The following CXCL12 variants were observed in gnomAD, a reference collection of about 807,000 sequenced individuals.
The protein encoded by CXCL12 is stromal cell-derived factor 1.
In CXCL12, 4 loss-of-function variants were observed where a neutral mutation model predicts 10.7. The observed-to-expected ratio is 0.37, with a 90% CI of 0.18 to 0.86. The LOEUF (loss-of-function observed/expected upper bound fraction) is 0.86. CXCL12 is among the 40% of genes least tolerant of loss of function. The pLI, the probability that CXCL12 is intolerant of heterozygous loss-of-function variation, is 0.43. For synonymous variants in CXCL12, 54 were observed against 45.4 expected (o/e 1.19, Z -0.77); for missense variants, 122 against 110.4 (o/e 1.10, Z -0.47).
Position 44,385,073 on chromosome 10 carries a change from G to A in CXCL12, c.-68C>T, listed in dbSNP as rs1588906836. On this transcript the variant is annotated 5_prime_UTR_variant, in exon 1 of 3. Transcript: ENST00000343575. ...GGGCCGGACGCCGAGCGGGCAATGC[G>A]GCTGACGGAGAGTGAAAGTGCGGCG... is the stretch of plus-strand genomic sequence containing the variant. 9.1e-6 allele frequency: 11 copies of A among 1,215,082 alleles called. No individual in the cohort carries two copies. The highest frequency in any genetic ancestry group is 1.2e-5 in the Non-Finnish European group (11 of 906,924). The allele number at this position is 1,215,082 out of a possible 1,614,324, so 75.3% of individuals were successfully genotyped here.
chr10:44,384,364 A>G (rs1839730545), intron 1 of CXCL12, among the ~76,000 whole-genome samples: 1 of 152,134 alleles, frequency 6.6e-6, no homozygotes, highest in South Asian at 2.1e-4. Flanking sequence ...TGCGCCGCGC[A>G]GCCCGCCCGC....
At chr10:44,375,835 G>A, downstream of CXCL12, 1 of 1,555,236 alleles carries the variant, frequency 6.4e-7, no homozygotes. Flanking sequence ...GGAAGTCTGA[G>A]CCCCTGCCCA....
Position 44,378,642 on chromosome 10 carries a change from T to G in CXCL12, c.261A>C (p.Leu87Phe). Residue 87 changes from leucine (L) to phenylalanine (F), a missense_variant, in exon 3 of 3, where the codon TTA (leucine) becomes TTC (phenylalanine). Physicochemically the swap from Leu to Phe is conservative, Grantham distance 22. Transcript: ENST00000343575. ...KWIQEYLEKA[L>F]NK ...TTTTTGGCTGTTGTGCTTACTTGTT[T>G]AAAGCTTTCTCCAGGTACTCCTGAA... 2 of 1,614,216 alleles carry G rather than the reference T, an allele frequency of 1.2e-6. No individual in the cohort carries two copies. The highest frequency in any genetic ancestry group is 1.7e-6 in the Non-Finnish European group (2 of 1,180,034).
chr10:44,371,698 A>G (rs1029153), downstream of CXCL12: 41,617 of 153,258 alleles, frequency 0.27, 6,292 homozygotes, highest in Admixed American at 0.43. Context: ...TCAAGATTAC[A>G]TCACTATAAT....
chr10:44,376,028 G>T (rs761642597), downstream of CXCL12: 8 of 1,612,136 alleles, frequency 5.0e-6, no homozygotes, highest in Non-Finnish European at 5.9e-6. Context: ...TCTTCTCTGC[G>T]CCCCCTTAGA....
intron 1 of CXCL12, among the ~76,000 whole-genome samples, chr10:44,381,470 C>A (rs1321051578): frequency 1.3e-5 from 2 of 152,212 alleles, no homozygotes; most frequent in Non-Finnish European, 1.5e-5. Flanking sequence ...ACCTGTGAGT[C>A]CCCTGAGAGC....
chr10:44,382,648 A>G (rs1418898109), intron 1 of CXCL12, among the ~76,000 whole-genome samples: 3 of 152,128 alleles, frequency 2.0e-5, no homozygotes, highest in Non-Finnish European at 4.4e-5. Flanking sequence ...GCCAGAAATC[A>G]GAGCCTATTC....
chr10:44,371,947 T>C (rs1258680905), downstream of CXCL12: 2 of 152,230 alleles, frequency 1.3e-5, no homozygotes, highest in Non-Finnish European at 2.9e-5. Flanking sequence ...ACTCCAAATG[T>C]CAGGCAGGTT....
intron 1 of CXCL12, among the ~76,000 whole-genome samples, chr10:44,381,296 G>T (rs1157740567): frequency 6.6e-6 from 1 of 152,140 alleles, no homozygotes; most frequent in East Asian, 2.0e-4. Flanking sequence ...GGAAAAGAAA[G>T]GGGGACAAGA....
chr10:44,384,573 G>T (rs1346412324), intron 1 of CXCL12, among the ~76,000 whole-genome samples: 1 of 152,198 alleles, frequency 6.6e-6, no homozygotes, highest in Non-Finnish European at 1.5e-5. Flanking sequence ...TGGAAACCGA[G>T]CCCGCAGCGG....
At chr10:44,374,299 T>C (rs1406111775), downstream of CXCL12, 3 of 377,426 alleles carry the variant, frequency 7.9e-6, 1 homozygote, top group South Asian at 6.0e-5. Flanking sequence ...CCCTGCTGCA[T>C]GTGGAGTCCG....
At position 44,378,166 on chromosome 10, in the gene CXCL12, C is replaced by T; in HGVS notation, c.*467G>A. ...AGCCTCAGTGTCTGAAGAAAGGACA[C>T]TTTTTCCAGCTCCCTGTTAAGCCAC... On this transcript the variant is annotated 3_prime_UTR_variant, in exon 3 of 3. Coordinates refer to ENST00000343575, the MANE Select transcript of CXCL12 (RefSeq NM_199168.4). 1.4e-6 allele frequency: 2 copies of T among 1,418,174 alleles called. No individual in the cohort carries two copies. Among genetic ancestry groups the T allele is most frequent in the Non-Finnish European group, 1.8e-6 (2 of 1,084,894 alleles). 87.8% of individuals were successfully genotyped at this position (1,418,174 alleles called of 1,614,324 possible). A position where few individuals can be genotyped will look rare whatever the true frequency, so the allele number is the denominator to read the frequency against.
rs1200092769 is a variant in CXCL12, at chr10:44,384,937, G to A, written c.61+8C>T. ...CCTCGCCAGGGCCTCCCCGCCGAGC[G>A]CACTTACCGTCGCTGAGGCAGAGCG... On this transcript the variant is annotated splice_region_variant and intron_variant, in intron 1 of 2. Transcript: ENST00000343575. 5 of 1,419,054 alleles carry A rather than the reference G, an allele frequency of 3.5e-6. No individual in the cohort carries two copies. Among genetic ancestry groups the A allele is most frequent in the South Asian group, 1.2e-5 (1 of 83,648 alleles). The allele number at this position is 1,419,054 out of a possible 1,614,324, so 87.9% of individuals were successfully genotyped here.
At position 44,384,833 on chromosome 10, in the gene CXCL12, C is replaced by T. The variant is rs78453259; in HGVS notation, c.61+112G>A. ...CAGCTAAGCGAGCTGCCTCCACCCC[C>T]ACTGTGTCGGGCGGCGCAAACTGCG... On this transcript the variant is annotated intron_variant, in intron 1 of 2. Transcript: ENST00000343575. 94,947 of 1,046,518 alleles carry T rather than the reference C, an allele frequency of 0.091. 4,732 individuals carry two copies. Among genetic ancestry groups the T allele is most frequent in the East Asian group, 0.1 (3,243 of 32,278 alleles). The allele number at this position is 1,046,518 out of a possible 1,614,324, so 64.8% of individuals were successfully genotyped here.
rs1173687856 is a variant in CXCL12 at position 44,378,248 on chromosome 10, A to G, written c.*385T>C. On this transcript the variant is annotated 3_prime_UTR_variant, in exon 3 of 3. Transcript: ENST00000343575. ...CAGAGGAGATGCTCCAAACAAGCCA[A>G]ATTCAGATCTTGAAGTACTCGTTGA... 6.8e-7 allele frequency: 1 copy of G among 1,462,810 alleles called. No homozygotes were observed. Among genetic ancestry groups the G allele is most frequent in the East Asian group, 3.0e-5 (1 of 33,378 alleles). 90.6% of individuals were successfully genotyped at this position (1,462,810 alleles called of 1,614,324 possible). A position where few individuals can be genotyped will look rare whatever the true frequency, so the allele number is the denominator to read the frequency against.
intron 1 of CXCL12, among the ~76,000 whole-genome samples, chr10:44,384,728 G>C (rs868688036): frequency 6.6e-6 from 1 of 152,376 alleles, no homozygotes; most frequent in Middle Eastern, 3.4e-3. Context: ...GCCAGCTTGA[G>C]GTCAGGCGGT....
chr10:44,377,610 CAG>C lies in CXCL12; in HGVS notation c.*1021_*1022del. ...TTTTCGCTTCTGATTTCGGAAACCT[CAG>C]AGTTTGTTAGTGCCTCCATGGCATA... On this transcript the variant is annotated 3_prime_UTR_variant, in exon 3 of 3. Coordinates refer to ENST00000343575, the MANE Select transcript of CXCL12 (RefSeq NM_199168.4). The C allele has an allele frequency of 2.0e-6, 3 of 1,509,664 alleles. No homozygotes were observed. The highest frequency in any genetic ancestry group is 2.5e-5 in the East Asian group (1 of 40,682). The allele number at this position is 1,509,664 out of a possible 1,614,324, so 93.5% of individuals were successfully genotyped here. A position where few individuals can be genotyped will look rare whatever the true frequency, so the allele number is the denominator to read the frequency against.
chr10:44,375,934 G>C, downstream of CXCL12: 2 of 1,611,260 alleles, frequency 1.2e-6, no homozygotes, highest in Non-Finnish European at 8.5e-7. Flanking sequence ...CGAGGTGGCA[G>C]ATAACTAGTT....
intron 2 of CXCL12, 39 bp from the exon 3 acceptor site, chr10:44,378,762 G>GAGGA (rs1839537955): frequency 2.5e-6 from 4 of 1,603,220 alleles, no homozygotes; most frequent in Non-Finnish European, 3.4e-6. Flanking sequence ...GGCTGCACAG[G>GAGGA]AGGAAGGCGC....
Sources: gnomAD v4.1 joint callset for allele counts (sites outside exome capture counted in the v4.1 genomes callset) on GRCh38, gnomAD v4.1.1 for gene constraint, MANE v1.5 for transcripts, NCBI Gene and HGNC (gene_info 2026-07-23, HGNC 2026-07-21) for gene names.